Variants in LGI4 observed in about 807,000 individuals in gnomAD.
LGI4 encodes the protein leucine rich repeat LGI family member 4.
LGI4 carries 36 observed loss-of-function variants against 48.3 expected under a neutral mutation model. The observed-to-expected ratio is 0.75, with a 90% CI of 0.57 to 0.98. The LOEUF is 0.98. Among genes scored for constraint, LGI4 ranks in the 50% least tolerant of loss-of-function variants. LGI4 has a pLI of 0.00. For synonymous variants in LGI4, 355 were observed against 331.6 expected (o/e 1.07, Z -0.77); for missense variants, 701 against 732.1 (o/e 0.96, Z 0.49).
At chr19:35,127,986 A>G (rs1479162270) in intron 6 of LGI4, among the ~76,000 whole-genome samples, 1 of 152,160 alleles carries the variant, frequency 6.6e-6, no homozygotes, top group African/African-American at 2.4e-5. Context: ...CTGTTTTGAG[A>G]CTGAGTAACC....
intron 3 of LGI4, 117 bp downstream of exon 3, chr19:35,133,576 T>C (rs2065189462): frequency 4.7e-6 from 7 of 1,486,678 alleles, no homozygotes; most frequent in African/African-American, 1.4e-5. Context: ...CATCCCACCA[T>C]GATGTCCAAA....
chr19:35,131,675 C>T (rs1231746954), intron 5 of LGI4, 114 bp downstream of exon 5: 29 of 1,403,558 alleles, frequency 2.1e-5, no homozygotes, highest in African/African-American at 2.9e-5. Context: ...AAGAAAAATA[C>T]GTAAGAACCA....
intron 1 of LGI4, 43 bp from the exon 2 acceptor site, chr19:35,134,147 A>G: frequency 6.6e-7 from 1 of 1,516,544 alleles, no homozygotes; most frequent in Non-Finnish European, 9.0e-7. Context: ...CACCACAGCA[A>G]TACTCCAGTT....
intron 3 of LGI4, 125 bp from the exon 4 acceptor site, chr19:35,132,167 G>A: frequency 1.2e-6 from 1 of 830,062 alleles, no homozygotes. Context: ...CCCAGGGAAA[G>A]CCTCTCAAAA....
Position 35,133,739 on chromosome 19 carries a change from C to T in LGI4, c.268G>A (p.Val90Met), listed in dbSNP as rs766328226. The change falls in exon 3 of 9, where the codon GTG becomes ATG. Residue 90 changes from valine to methionine, a missense_variant. By Grantham distance (21) the Val-to-Met change is conservative. Transcript: ENST00000310123. ...LLLFTSNSFS[V>M]IEDDAFAGLS... ...CCCGCAAATGCATCGTCCTCAATCA[C>T]GGAGAAGGAGTTGGAGGTGAAGAGG... 22 of 1,609,398 alleles carry T rather than the reference C, an allele frequency of 1.4e-5. No individual in the cohort carries two copies. Among genetic ancestry groups the T allele is most frequent in the Middle Eastern group, 1.7e-4 (1 of 5,922 alleles).
In LGI4 at chr19:35,126,576, G is replaced by A. The variant is rs776736549; in HGVS notation, c.993C>T (p.Phe331=). ...CCGCCTTGGAGGCATCGGCCACCAC[G>A]AAGCAGGGTTGCCCTTCCAGCCACA... is the stretch of plus-strand genomic sequence containing the variant. The part of the protein sequence containing the change: ...ELLWLEGQPC[F]VVADASKAGS... Residue 331 remains phenylalanine (F), a synonymous_variant, in exon 8 of 9, where the codon TTC becomes TTT. Coordinates refer to ENST00000310123, the MANE Select transcript of LGI4 (RefSeq NM_139284.3). 16 of 1,540,014 alleles carry A rather than the reference G, an allele frequency of 1.0e-5. No individual in the cohort carries two copies. The highest frequency in any genetic ancestry group is 4.7e-5 in the South Asian group (4 of 84,294).
Position 35,126,519 on chromosome 19 carries a change from G to A in LGI4, c.1050C>T (p.Pro350=), listed in dbSNP as rs1276073263. Residue 350 remains proline, a synonymous_variant, in exon 8 of 9, where the codon CCC becomes CCT. Transcript: ENST00000310123. ...GCAGGCTCTGGTGCGGGTAAAAGCC[G>A]GGCCCGTCGCGGCACAGCAGCGTGG... The part of the protein sequence containing the change: ...GSTTLLCRDG[P]GFYPHQSLHA... 1.3e-6 allele frequency: 2 copies of A among 1,546,042 alleles called. No individual in the cohort carries two copies. Among genetic ancestry groups the A allele is most frequent in the Non-Finnish European group, 1.7e-6 (2 of 1,150,550 alleles).
At position 35,130,129 on chromosome 19, in the gene LGI4, T is replaced by C. The variant is rs147064389; in HGVS notation, c.628+1257A>G. 3.4e-3 allele frequency among the ~76,000 whole-genome samples: 518 copies of C among 152,296 alleles called. 4 individuals carry two copies. Among genetic ancestry groups the C allele is most frequent in the African/African-American group, 0.012 (498 of 41,558 alleles). The stretch of plus-strand genomic sequence containing the variant: ...TCTCCCCACCATTACCCTATAGTCC[T>C]GCCACATCCCCCTCGCTGAGATAGT... On this transcript the variant is annotated intron_variant, in intron 6 of 8. Coordinates refer to ENST00000310123, the MANE Select transcript of LGI4 (RefSeq NM_139284.3).
chr19:35,129,889 C>T (rs2145364539), intron 6 of LGI4, among the ~76,000 whole-genome samples: 1 of 152,190 alleles, frequency 6.6e-6, no homozygotes, highest in South Asian at 2.1e-4. Context: ...GGTGTAAAAC[C>T]CGATCGTACA....
In LGI4 at chr19:35,134,018, C is replaced by CA; in HGVS notation, c.242+14_242+15insT. 6.4e-7 allele frequency: 1 copy of CA among 1,555,474 alleles called. No homozygotes were observed. The highest frequency in any genetic ancestry group is 8.7e-7 in the Non-Finnish European group (1 of 1,148,908). On this transcript the variant is annotated intron_variant, in intron 2 of 8. Transcript: ENST00000310123. ...TCCCTTGAGCTGGTTGTCGGCCCAGCCAGGCCCCACTCACAGCAGGTGCAG... is the reference window on the plus strand; with the variant it reads ...TCCCTTGAGCTGGTTGTCGGCCCAGCACAGGCCCCACTCACAGCAGGTGCAG...
At chr19:35,125,578 A>G (rs2065127952) in intron 8 of LGI4, 71 bp from the exon 9 acceptor site, 8 of 1,339,778 alleles carry the variant, frequency 6.0e-6, no homozygotes, top group Non-Finnish European at 8.1e-6. Flanking sequence ...GCTTGGAAGC[A>G]GAAGCCTGTC....
intron 6 of LGI4, among the ~76,000 whole-genome samples, chr19:35,130,768 C>A (rs1390193514): frequency 6.6e-6 from 1 of 152,182 alleles, no homozygotes; most frequent in African/African-American, 2.4e-5. Flanking sequence ...CCTGTCCCCC[C>A]AGCTCTGTGT....
At chr19:35,125,644 C>T (rs915681133) in intron 8 of LGI4, 137 bp from the exon 9 acceptor site, 84 of 779,598 alleles carry the variant, frequency 1.1e-4, no homozygotes, top group South Asian at 8.7e-4. Context: ...CCCACCTGTT[C>T]GGCCACACAC....
At position 35,131,784 on chromosome 19, in the gene LGI4, C is replaced by T. The variant is rs781180906; in HGVS notation, c.458+5G>A. On this transcript the variant is annotated splice_donor_5th_base_variant and intron_variant, in intron 5 of 8. Coordinates refer to ENST00000310123, the MANE Select transcript of LGI4 (RefSeq NM_139284.3). ...CCCCACATTCCCAGCCCCCATGAGC[C>T]TCACACATGAGTAAGGGTGTCCAGG... 2 of 1,552,616 alleles carry T rather than the reference C, an allele frequency of 1.3e-6. No individual in the cohort carries two copies. The highest frequency in any genetic ancestry group is 1.7e-6 in the Non-Finnish European group (2 of 1,145,144).
At chr19:35,131,946 G>A (rs761142463) in intron 4 of LGI4, 25 bp downstream of exon 4, 4 of 1,580,254 alleles carry the variant, frequency 2.5e-6, no homozygotes, top group Non-Finnish European at 3.4e-6. Flanking sequence ...CTCTCATGGA[G>A]GGCTGGGGCG....
rs746710380 is a variant in LGI4 at position 35,134,543 on chromosome 19, C to T, written c.138G>A (p.Leu46=). The change falls in exon 1 of 9, where the codon CTG becomes CTA. Residue 46 remains leucine (L), a synonymous_variant. Coordinates refer to ENST00000310123, the MANE Select transcript of LGI4 (RefSeq NM_139284.3). ...GCAGGGTCGGAGAGAAGCTGACGGG[C>T]AGGTCCGGGGAGCCCTCACACAGGG... ...DSALCEGSPD[L]PVSFSPTLLS... The T allele has an allele frequency of 1.3e-5, 21 of 1,585,604 alleles. No individual in the cohort carries two copies. The highest frequency in any genetic ancestry group is 3.3e-4 in the Middle Eastern group (2 of 6,042).
chr19:35,126,945 T>C lies in LGI4; in HGVS notation c.701A>G (p.His234Arg). 1 of 1,613,778 alleles carries C rather than the reference T, an allele frequency of 6.2e-7. No homozygotes were observed. The highest frequency in any genetic ancestry group is 8.5e-7 in the Non-Finnish European group (1 of 1,179,908). Reference sequence around the variant, plus strand: ...GGCGAAGGGCTGTGCCAGCACAATGTGAGGCTCCCCTTGGTAGGAGAAGGG... The same window carrying C: ...GGCGAAGGGCTGTGCCAGCACAATGCGAGGCTCCCCTTGGTAGGAGAAGGG... The part of the protein sequence containing the change: ...VEPFSYQGEP[H>R]IVLAQPFAGR... The change falls in exon 7 of 9, where the codon CAC (histidine) becomes CGC (arginine). Residue 234 changes from histidine (H) to arginine (R), a missense_variant. Coordinates refer to ENST00000310123, the MANE Select transcript of LGI4 (RefSeq NM_139284.3).
In LGI4 at chr19:35,125,351, C is replaced by G; in HGVS notation, c.1456G>C (p.Gly486Arg). 4 of 1,613,376 alleles carry G rather than the reference C, an allele frequency of 2.5e-6. No homozygotes were observed. The highest frequency in any genetic ancestry group is 3.4e-6 in the Non-Finnish European group (4 of 1,179,520). ...AGCTCCTGCAGTGGCTCCAGGAGCCCCTTGTCAGGCTCAAGGCGGAGGACC... is the reference window on the plus strand; with the variant it reads ...AGCTCCTGCAGTGGCTCCAGGAGCCGCTTGTCAGGCTCAAGGCGGAGGACC... ...SQVLRLEPDK[G>R]LLEPLQELGP... Residue 486 changes from glycine to arginine, a missense_variant, in exon 9 of 9, where the codon GGG becomes CGG. Around this residue, in one of 3 missense-constraint regions of LGI4, gnomAD observed 223 missense variants for 263.3 expected, o/e 0.85. Transcript: ENST00000310123.
intron 1 of LGI4, 46 bp downstream of exon 1, chr19:35,134,465 G>T: frequency 6.5e-7 from 1 of 1,549,594 alleles, no homozygotes; most frequent in East Asian, 2.4e-5. Context: ...TGGGGTCCCA[G>T]GACTTCCGTC....
Sources: allele counts gnomAD v4.1 joint callset (sites outside exome capture counted in the v4.1 genomes callset), GRCh38; gene constraint gnomAD v4.1.1; regional missense constraint gnomAD v4.1.1; transcripts MANE v1.5; gene names NCBI Gene and HGNC (gene_info 2026-07-23, HGNC 2026-07-21).